RBFOX1: variants seen among roughly 807,000 people sequenced by gnomAD.
RBFOX1 encodes RNA binding fox-1 homolog 1, also known as RNA binding protein fox-1 homolog 1.
A neutral mutation model predicts 57.7 loss-of-function variants in RBFOX1; 8 were observed. That is an observed-to-expected ratio of 0.14 (90% CI 0.08 to 0.25). RBFOX1 has a LOEUF of 0.25. Ranked by LOEUF, RBFOX1 falls within the 10% of genes least tolerant of loss-of-function variation. RBFOX1 has a pLI of 1.00. For missense variants in RBFOX1, 611 were observed against 548.5 expected (o/e 1.11, Z -1.14); for synonymous variants, 326 against 222.4 (o/e 1.47, Z -4.15).
At chr16:5,850,659 C>A (rs1399670623) in intron 3 of RBFOX1, among the ~76,000 whole-genome samples, 1 of 152,200 alleles carries the variant, frequency 6.6e-6, no homozygotes, top group Admixed American at 6.5e-5. Context: ...GCATGTGATC[C>A]TCAGTGAACA....
intron 4 of RBFOX1, among the ~76,000 whole-genome samples, chr16:5,951,799 GTTA>G (rs1162288269): frequency 2.7e-5 from 4 of 146,858 alleles, no homozygotes; most frequent in Middle Eastern, 3.6e-3. Flanking sequence ...AAAGTTAAAA[GTTA>G]AAGTTGTTAA....
rs541182895 is a variant in RBFOX1, at chr16:7,122,111, C to T, written c.27+70013C>T. 2.6e-4 allele frequency among the ~76,000 whole-genome samples: 39 copies of T among 152,064 alleles called. No individual in the cohort carries two copies. In the South Asian group the frequency reaches 7.1e-3, roughly 28 times the overall value. ...AGGAGTTAAAATAAGAATTTTTGGC[C>T]ATGACACCAAATGCACAATCTCACC... On this transcript the variant is annotated intron_variant, in intron 4 of 15. Transcript: ENST00000550418.
chr16:5,834,819 T>TAGACAGAC (rs71142652), intron 3 of RBFOX1, among the ~76,000 whole-genome samples: 3 of 134,356 alleles, frequency 2.2e-5, no homozygotes, highest in African/African-American at 9.1e-5. Context: ...GATAGATAGA[T>TAGACAGAC]AGACAGACAG....
rs189089402 is a variant in RBFOX1 at position 7,173,502 on chromosome 16, T to C, written c.27+121404T>C. Among the ~76,000 whole-genome samples, 258 of 152,028 alleles carry C rather than the reference T, an allele frequency of 1.7e-3. 2 individuals are homozygous for C. The highest frequency in any genetic ancestry group is 6.0e-3 in the African/African-American group (250 of 41,474). ...GAGTTCCATTTGACACTTTTTTTTT[T>C]CTCTCAGAAGTCATTTTGTCTCATT... On this transcript the variant is annotated intron_variant, in intron 4 of 15. Transcript: ENST00000550418.
chr16:7,607,365 C>G, intron 10 of RBFOX1, 27 bp downstream of exon 10: 3 of 1,599,268 alleles, frequency 1.9e-6, no homozygotes, highest in Non-Finnish European at 2.6e-6. Flanking sequence ...TGCACGAAGT[C>G]TTCTCAGTCT....
intron 3 of RBFOX1, among the ~76,000 whole-genome samples, chr16:6,916,976 A>G (rs533779513): frequency 6.6e-6 from 1 of 152,122 alleles, no homozygotes; most frequent in African/African-American, 2.4e-5. Flanking sequence ...CAGCCTCCCA[A>G]GTAGGTAGGA....
At chr16:6,789,058 C>T (rs376969524) in intron 3 of RBFOX1, among the ~76,000 whole-genome samples, 66 of 152,168 alleles carry the variant, frequency 4.3e-4, no homozygotes, top group African/African-American at 1.4e-3. Context: ...ACATGGATGT[C>T]GCGAAATTGC....
intron 3 of RBFOX1, among the ~76,000 whole-genome samples, chr16:6,856,949 A>G (rs1269292337): frequency 6.6e-6 from 1 of 152,228 alleles, no homozygotes. Flanking sequence ...GAACGGAGGG[A>G]CATGAGAAGA....
At chr16:7,594,587 A>G (rs1015029246) in intron 7 of RBFOX1, among the ~76,000 whole-genome samples, 4 of 152,226 alleles carry the variant, frequency 2.6e-5, no homozygotes, top group Admixed American at 2.6e-4. Context: ...TTGATTTTTG[A>G]GGCTGAAATA....
At chr16:6,979,912 A>G (rs1169739885) in intron 3 of RBFOX1, among the ~76,000 whole-genome samples, 2 of 152,154 alleles carry the variant, frequency 1.3e-5, no homozygotes, top group Admixed American at 6.5e-5. Context: ...AGATCTTGTC[A>G]AAGAGATGGA....
intron 3 of RBFOX1, among the ~76,000 whole-genome samples, chr16:6,857,783 C>T (rs192022741): frequency 2.0e-5 from 3 of 152,158 alleles, no homozygotes; most frequent in Admixed American, 1.3e-4. Context: ...TCAGCACTTT[C>T]TTGCCCCAGC....
intron 3 of RBFOX1, among the ~76,000 whole-genome samples, chr16:6,661,275 C>T (rs142179686): frequency 5.1e-4 from 78 of 152,244 alleles, no homozygotes; most frequent in Non-Finnish European, 6.0e-4. Flanking sequence ...GAAAGAGCTC[C>T]CATGTGCCTA....
chr16:7,427,519 T>G (rs2098632710), intron 4 of RBFOX1, among the ~76,000 whole-genome samples: 1 of 152,170 alleles, frequency 6.6e-6, no homozygotes, highest in African/African-American at 2.4e-5. Context: ...ATCCCCAGTC[T>G]CTAACCAACT....
chr16:7,238,174 A>G (rs894042015), intron 4 of RBFOX1, among the ~76,000 whole-genome samples: 1 of 152,144 alleles, frequency 6.6e-6, no homozygotes, highest in Non-Finnish European at 1.5e-5. Flanking sequence ...GTCGTTACCA[A>G]GGGCTGGGAG....
intron 4 of RBFOX1, among the ~76,000 whole-genome samples, chr16:7,427,045 A>G (rs73604140): frequency 2.6e-5 from 4 of 152,196 alleles, no homozygotes; most frequent in Non-Finnish European, 4.4e-5. Context: ...GTTCTCACTC[A>G]TAGGTGGGAA....
chr16:5,503,644 A>G (rs1053617752), intron 2 of RBFOX1, among the ~76,000 whole-genome samples: 1 of 152,120 alleles, frequency 6.6e-6, no homozygotes, highest in Non-Finnish European at 1.5e-5. Context: ...AGGTTTCCCC[A>G]TGTTGGTCAG....
At chr16:6,791,267 C>G (rs886548081) in intron 3 of RBFOX1, among the ~76,000 whole-genome samples, 15 of 152,276 alleles carry the variant, frequency 9.9e-5, no homozygotes, top group Middle Eastern at 3.4e-3. Context: ...CTGCCATTGA[C>G]TCAGCTGCAT....
chr16:6,199,388 A>C (rs566107083), intron 1 of RBFOX1, among the ~76,000 whole-genome samples: 98 of 152,304 alleles, frequency 6.4e-4, no homozygotes, highest in Non-Finnish European at 2.4e-4. Flanking sequence ...ATGAGCTGTG[A>C]CCATAGTCTC....
At chr16:7,107,891 C>T (rs943157053) in intron 4 of RBFOX1, among the ~76,000 whole-genome samples, 1 of 152,026 alleles carries the variant, frequency 6.6e-6, no homozygotes, top group Non-Finnish European at 1.5e-5. Flanking sequence ...TTGCTTGATG[C>T]TAAACGGTGG....
Sources: allele counts gnomAD v4.1 joint callset (sites outside exome capture counted in the v4.1 genomes callset), GRCh38; gene constraint gnomAD v4.1.1; transcripts MANE v1.5; gene names NCBI Gene and HGNC (gene_info 2026-07-23, HGNC 2026-07-21).